The following ZER1 variants were observed in gnomAD, a reference collection of about 807,000 sequenced individuals.
The protein encoded by ZER1 is zyg-11 related cell cycle regulator.
Under a neutral mutation model 78.8 loss-of-function variants are expected in ZER1, and 11 were observed. The observed-to-expected ratio is 0.14, with a 90% CI of 0.09 to 0.23. The LOEUF is 0.23. ZER1 is among the 10% of genes least tolerant of loss of function. The pLI is 1.00. For synonymous variants in ZER1, 400 were observed against 407.0 expected (o/e 0.98, Z 0.21); for missense variants, 588 against 996.9 (o/e 0.59, Z 5.52).
chr9:128,733,451 G>T lies in ZER1; in HGVS notation c.2218C>A (p.Arg740=), dbSNP rs761086742. 2 of 1,613,856 alleles carry T rather than the reference G, an allele frequency of 1.2e-6. No individual in the cohort carries two copies. The highest frequency in any genetic ancestry group is 2.2e-5 in the South Asian group (2 of 91,012). Residue 740 remains arginine, a synonymous_variant, in exon 15 of 16, where the codon CGG becomes AGG. Coordinates refer to ENST00000291900, the MANE Select transcript of ZER1 (RefSeq NM_006336.4). ...CGGGCCATTTCCTTGGTCTCCTGCCGTGCGGTCGCCATCTTAATTATGTCC... is the reference window on the plus strand; with the variant it reads ...CGGGCCATTTCCTTGGTCTCCTGCCTTGCGGTCGCCATCTTAATTATGTCC... The part of the protein sequence containing the change: ...LRDIIKMATA[R]QETKEMARKV...
rs1038073340 is a variant in ZER1, at chr9:128,759,233, C to G, written c.-94-3574G>C. On this transcript the variant is annotated intron_variant, in intron 1 of 15. Transcript: ENST00000291900. ...TCATCTAGGCTGGGGTGCAGTGGCA[C>G]GATCTCAGCTCACTGCAACCTCCGC... 4.6e-5 allele frequency among the ~76,000 whole-genome samples: 7 copies of G among 151,674 alleles called. No homozygotes were observed. The East Asian group carries it at 1.2e-3, about 25-fold the overall frequency.
intron 13 of ZER1, among the ~76,000 whole-genome samples, chr9:128,735,871 G>A (rs1231276927): frequency 7.0e-6 from 1 of 143,050 alleles, no homozygotes; most frequent in Admixed American, 7.8e-5. Flanking sequence ...TCTGCCTCCT[G>A]GGTTCAAGCG....
Position 128,751,835 on chromosome 9 carries a change from C to A in ZER1, c.924-308G>T, listed in dbSNP as rs1863689031. Among the ~76,000 whole-genome samples the A allele has an allele frequency of 1.3e-5, 2 of 152,176 alleles. No homozygotes were observed. Among genetic ancestry groups the A allele is most frequent in the Admixed American group, 1.3e-4 (2 of 15,270 alleles). ...ACAAAGGGACAAGCTCAACTGAACA[C>A]CATTAAAGCAGGCTGGGGCCAGGGC... is the stretch of plus-strand genomic sequence containing the variant. On this transcript the variant is annotated intron_variant, in intron 5 of 15. Coordinates refer to ENST00000291900, the MANE Select transcript of ZER1 (RefSeq NM_006336.4). The surrounding 1 kb of genome is among the most constrained non-coding windows in gnomAD (Gnocchi z 5.4).
chr9:128,733,926 G>A (rs1411696945), intron 14 of ZER1, among the ~76,000 whole-genome samples: 2 of 136,560 alleles, frequency 1.5e-5, no homozygotes, highest in East Asian at 2.1e-4. Flanking sequence ...TCAGGAGATC[G>A]AGACCATCCT....
intron 7 of ZER1, 92 bp from the exon 8 acceptor site, chr9:128,750,881 T>C: frequency 1.9e-6 from 3 of 1,546,802 alleles, no homozygotes; most frequent in African/African-American, 1.4e-5. Context: ...GGGCAAGGTT[T>C]AGCCTGGTCT....
At chr9:128,747,962 A>C (rs1330498915) in intron 8 of ZER1, among the ~76,000 whole-genome samples, 1 of 152,162 alleles carries the variant, frequency 6.6e-6, no homozygotes, top group African/African-American at 2.4e-5. Flanking sequence ...AACATTATTA[A>C]ACAATTTTTG....
At chr9:128,741,981 G>A (rs1863315482) in intron 9 of ZER1, 140 bp from the exon 10 acceptor site, 1 of 1,175,690 alleles carries the variant, frequency 8.5e-7, no homozygotes, top group Admixed American at 2.1e-5. Context: ...TATATTTGGG[G>A]GAGGCTATTT....
At chr9:128,772,478 G>C (rs1864415147), upstream of ZER1, 1 of 152,324 alleles carries the variant, frequency 6.6e-6, no homozygotes, top group East Asian at 1.9e-4. Context: ...TGTCAAACCA[G>C]TTCCTTCTGG....
chr9:128,739,298 C>T (rs574203871), intron 13 of ZER1, among the ~76,000 whole-genome samples: 161 of 151,514 alleles, frequency 1.1e-3, no homozygotes, highest in African/African-American at 3.5e-3. Context: ...GTCAGGAGAT[C>T]GAAACTATCC....
rs538260862 is a variant in ZER1, at chr9:128,755,838, A to G, written c.-94-179T>C. 1.3e-5 allele frequency among the ~76,000 whole-genome samples: 2 copies of G among 152,292 alleles called. No homozygotes were observed. Among genetic ancestry groups the G allele is most frequent in the Admixed American group, 6.5e-5 (1 of 15,296 alleles). On this transcript the variant is annotated intron_variant, in intron 1 of 15. Transcript: ENST00000291900. This position sits in a 1 kb window ranked among gnomAD's most constrained non-coding sequence, Gnocchi z 5.6. Reference sequence around the variant, plus strand: ...GCCTCTGCTGTGCCACTATCTATGCACAATTTGACCTGCAAAGAACATGGA... The same window carrying G: ...GCCTCTGCTGTGCCACTATCTATGCGCAATTTGACCTGCAAAGAACATGGA...
chr9:128,763,506 C>T (rs774964549), intron 1 of ZER1, among the ~76,000 whole-genome samples: 6 of 152,332 alleles, frequency 3.9e-5, no homozygotes, highest in South Asian at 2.1e-4. Context: ...CCTTGGTGAG[C>T]GAGCCGGACA....
At chr9:128,761,974 T>C (rs1412534258) in intron 1 of ZER1, among the ~76,000 whole-genome samples, 3 of 152,048 alleles carry the variant, frequency 2.0e-5, no homozygotes, top group African/African-American at 7.2e-5. Context: ...TGGAACCTGG[T>C]CTCGTGGAAT....
intron 1 of ZER1, among the ~76,000 whole-genome samples, chr9:128,756,070 T>C (rs1423671773): frequency 2.0e-5 from 3 of 152,194 alleles, no homozygotes; most frequent in African/African-American, 4.8e-5. Context: ...AATAGACATA[T>C]AGACATGATA....
chr9:128,740,194 C>G lies in ZER1; in HGVS notation c.1854-75G>C. ...TCAGATACCAGCGGCAGGACCCCAA[C>G]TTAAAACCAGAAGCAAGAGGTGCTA... On this transcript the variant is annotated intron_variant, in intron 12 of 15. Transcript: ENST00000291900. This position sits in a 1 kb window ranked among gnomAD's most constrained non-coding sequence, Gnocchi z 4.4. 1 of 1,423,178 alleles carries G rather than the reference C, an allele frequency of 7.0e-7. No homozygotes were observed. Among genetic ancestry groups the G allele is most frequent in the Non-Finnish European group, 9.5e-7 (1 of 1,053,030 alleles). 88.2% of individuals were successfully genotyped at this position (1,423,178 alleles called of 1,614,324 possible).
Position 128,754,956 on chromosome 9 carries a change from C to A in ZER1, c.158+452G>T, listed in dbSNP as rs1863809408. ...GATGATTCACTCCCTGATCATGGAT[C>A]CGTTATTCTGGCACCGGCATGTACA... On this transcript the variant is annotated intron_variant, in intron 2 of 15. Coordinates refer to ENST00000291900, the MANE Select transcript of ZER1 (RefSeq NM_006336.4). This position sits in a 1 kb window ranked among gnomAD's most constrained non-coding sequence, Gnocchi z 4.3. Among the ~76,000 whole-genome samples the A allele has an allele frequency of 6.6e-6, 1 of 152,214 alleles. No homozygotes were observed. The highest frequency in any genetic ancestry group is 1.5e-5 in the Non-Finnish European group (1 of 68,042).
In ZER1 at chr9:128,761,533, C is replaced by T. The variant is rs890241025; in HGVS notation, c.-94-5874G>A. On this transcript the variant is annotated intron_variant, in intron 1 of 15. Coordinates refer to ENST00000291900, the MANE Select transcript of ZER1 (RefSeq NM_006336.4). ...AACTCCTGAGCTCAGGTGATCCACC[C>T]GCCTCGCCTCCCAAAATGGTGGAAC... is the stretch of plus-strand genomic sequence containing the variant. Among the ~76,000 whole-genome samples the T allele has an allele frequency of 4.1e-3, 6 of 1,470 alleles. No individual in the cohort carries two copies. In the Non-Finnish European group the frequency reaches 0.057, roughly 14 times the overall value. 1.0% of individuals were successfully genotyped at this position (1,470 alleles called of 152,430 possible).
chr9:128,744,605 AG>A (rs1863424008), intron 8 of ZER1, among the ~76,000 whole-genome samples: 2 of 151,742 alleles, frequency 1.3e-5, no homozygotes, highest in Non-Finnish European at 2.9e-5. Context: ...CAGCCTCCCA[AG>A]TAGCTGCGAT....
Position 128,751,349 on chromosome 9 carries a change from G to A in ZER1, c.1038+64C>T. 6.2e-7 allele frequency: 1 copy of A among 1,611,002 alleles called. No homozygotes were observed. Among genetic ancestry groups the A allele is most frequent in the Non-Finnish European group, 8.5e-7 (1 of 1,177,578 alleles). On this transcript the variant is annotated intron_variant, in intron 6 of 15. Coordinates refer to ENST00000291900, the MANE Select transcript of ZER1 (RefSeq NM_006336.4). This position sits in a 1 kb window ranked among gnomAD's most constrained non-coding sequence, Gnocchi z 5.4. Reference sequence around the variant, plus strand: ...GATCCCAGCTCAGTCTCCAGCCCCAGAATCCAGCTCCTTCTCTCTCCCAAG... The same window carrying A: ...GATCCCAGCTCAGTCTCCAGCCCCAAAATCCAGCTCCTTCTCTCTCCCAAG...
intron 1 of ZER1, among the ~76,000 whole-genome samples, chr9:128,769,193 C>T (rs535920322): frequency 6.6e-6 from 1 of 152,284 alleles, no homozygotes; most frequent in African/African-American, 2.4e-5. Flanking sequence ...TCCTCAAATC[C>T]TACTAGTTGA....
Sources: allele counts gnomAD v4.1 joint callset (sites outside exome capture counted in the v4.1 genomes callset), GRCh38; gene constraint gnomAD v4.1.1; non-coding constraint Gnocchi (gnomAD v3.1); transcripts MANE v1.5; gene names NCBI Gene and HGNC (gene_info 2026-07-23, HGNC 2026-07-21).